MYT1L: variants seen among roughly 807,000 people sequenced by gnomAD.
The protein encoded by MYT1L is myelin transcription factor 1 like.
In MYT1L, 12 loss-of-function variants were observed where a neutral mutation model predicts 126.7. The ratio of observed to expected loss-of-function variants is 0.09; its 90% CI spans 0.06 to 0.15. MYT1L has a LOEUF of 0.15. Ranked by LOEUF, MYT1L falls within the 10% of genes least tolerant of loss-of-function variation. The pLI is 1.00. For synonymous variants in MYT1L, 541 were observed against 604.2 expected, an observed-to-expected ratio of 0.90 and a Z score of 1.53; for missense variants, 979 against 1,585.2, an observed-to-expected ratio of 0.62 and a Z score of 6.49.
chr2:2,283,957 G>A (rs906087459), intron 2 of MYT1L, among the ~76,000 whole-genome samples: 2 of 152,170 alleles, frequency 1.3e-5, no homozygotes, highest in African/African-American at 4.8e-5. Flanking sequence ...AAGAGAGCCA[G>A]CCATGTCTGC....
chr2:2,311,496 A>G (rs2095970260), intron 1 of MYT1L, among the ~76,000 whole-genome samples: 1 of 152,184 alleles, frequency 6.6e-6, no homozygotes, highest in African/African-American at 2.4e-5. Context: ...CCCTGGAGCT[A>G]CCTTCCTGTT....
intron 1 of MYT1L, among the ~76,000 whole-genome samples, chr2:2,300,691 GT>G (rs2095768786): frequency 6.6e-6 from 1 of 152,214 alleles, no homozygotes; most frequent in African/African-American, 2.4e-5. Flanking sequence ...CTCTGGTGGT[GT>G]GGGAGGAGAG....
chr2:1,924,185 A>G (rs2053927674), intron 9 of MYT1L, among the ~76,000 whole-genome samples: 1 of 152,188 alleles, frequency 6.6e-6, no homozygotes, highest in African/African-American at 2.4e-5. Context: ...ACTCTTTAAA[A>G]AGACCATGTT....
chr2:1,832,073 G>A (rs907219744), intron 21 of MYT1L, among the ~76,000 whole-genome samples: 7 of 152,112 alleles, frequency 4.6e-5, no homozygotes, highest in East Asian at 1.9e-4. Flanking sequence ...TGTGTCCCTC[G>A]AGGTTCCTGT....
intron 4 of MYT1L, among the ~76,000 whole-genome samples, chr2:2,005,277 T>C (rs2063123787): frequency 7.4e-6 from 1 of 135,834 alleles, no homozygotes; most frequent in South Asian, 2.3e-4. Flanking sequence ...CTTTCCTGTG[T>C]GCCTTCTTTC....
chr2:1,862,463 C>G (rs1263428375), intron 18 of MYT1L, among the ~76,000 whole-genome samples: 1 of 152,182 alleles, frequency 6.6e-6, no homozygotes, highest in Non-Finnish European at 1.5e-5. Flanking sequence ...AATCTAGAAT[C>G]TATAATGTGA....
At chr2:2,084,578 G>A (rs577640850) in intron 3 of MYT1L, among the ~76,000 whole-genome samples, 1 of 152,278 alleles carries the variant, frequency 6.6e-6, no homozygotes, top group East Asian at 1.9e-4. Context: ...GAGAAACCGA[G>A]TCCTGGCAAC....
intron 1 of MYT1L, among the ~76,000 whole-genome samples, chr2:2,314,073 C>T (rs2096021222): frequency 1.3e-5 from 2 of 152,046 alleles, no homozygotes; most frequent in East Asian, 1.9e-4. Context: ...TTTTTGCGTA[C>T]CATGAGATCA....
At chr2:2,247,311 G>A (rs1193732855) in intron 2 of MYT1L, among the ~76,000 whole-genome samples, 1 of 152,096 alleles carries the variant, frequency 6.6e-6, no homozygotes, top group Non-Finnish European at 1.5e-5. Context: ...TGATAAAGGG[G>A]TCAATTCAGC....
intron 15 of MYT1L, among the ~76,000 whole-genome samples, chr2:1,890,853 C>T (rs959484747): frequency 2.0e-5 from 3 of 152,168 alleles, no homozygotes; most frequent in Admixed American, 6.6e-5. Context: ...ATAAATTATA[C>T]AGTATCATTC....
chr2:1,973,886 G>A (rs1394979938), intron 8 of MYT1L, among the ~76,000 whole-genome samples: 1 of 152,192 alleles, frequency 6.6e-6, no homozygotes, highest in Non-Finnish European at 1.5e-5. Context: ...CGCACTTTGG[G>A]CAGATTCACC....
chr2:1,841,458 A>G (rs1338964295), intron 19 of MYT1L: 1 of 152,298 alleles, frequency 6.6e-6, no homozygotes. Flanking sequence ...TCTCTCCAAA[A>G]CCTGTGCTTC....
chr2:1,842,919 C>G (rs939093841), intron 19 of MYT1L: 1 of 178,076 alleles, frequency 5.6e-6, no homozygotes, highest in African/African-American at 2.4e-5. Context: ...CCAGGCGCTT[C>G]CGCTTCCAGG....
chr2:2,326,848 G>T (rs1401072869), intron 1 of MYT1L: 4 of 152,162 alleles, frequency 2.6e-5, no homozygotes, highest in African/African-American at 9.7e-5. Context: ...CACTGTGTAT[G>T]CTTGAACAAT....
chr2:2,234,446 T>C (rs2094234475), intron 2 of MYT1L, among the ~76,000 whole-genome samples: 2 of 152,210 alleles, frequency 1.3e-5, no homozygotes, highest in South Asian at 2.1e-4. Flanking sequence ...CAAGGATAGA[T>C]CTTGCAAAGT....
At chr2:1,909,469 T>A (rs1356970794) in intron 13 of MYT1L, among the ~76,000 whole-genome samples, 1 of 152,184 alleles carries the variant, frequency 6.6e-6, no homozygotes, top group Non-Finnish European at 1.5e-5. Context: ...TCTGCTGTGA[T>A]GTTGTGTGAA....
At chr2:2,245,722 T>A (rs964398445) in intron 2 of MYT1L, among the ~76,000 whole-genome samples, 3 of 152,078 alleles carry the variant, frequency 2.0e-5, no homozygotes, top group African/African-American at 7.2e-5. Flanking sequence ...CCACTCTCAG[T>A]CAGCCCAGCG....
chr2:1,960,915 C>T (rs1468150131), intron 8 of MYT1L, among the ~76,000 whole-genome samples: 1 of 152,258 alleles, frequency 6.6e-6, no homozygotes, highest in East Asian at 1.9e-4. Context: ...CCCTGAACTT[C>T]CAGTGCATGT....
At chr2:2,026,851 A>C (rs1292269321) in intron 4 of MYT1L, among the ~76,000 whole-genome samples, 1 of 152,132 alleles carries the variant, frequency 6.6e-6, no homozygotes, top group South Asian at 2.1e-4. Flanking sequence ...GGGTCTTGAG[A>C]AAACCTGCCC....
Sources: gnomAD v4.1 joint callset for allele counts (sites outside exome capture counted in the v4.1 genomes callset) on GRCh38, gnomAD v4.1.1 for gene constraint, MANE v1.5 for transcripts, NCBI Gene and HGNC (gene_info 2026-07-23, HGNC 2026-07-21) for gene names.